The following PEX5L variants were observed in gnomAD, a reference collection of about 807,000 sequenced individuals.
PEX5L encodes peroxisomal biogenesis factor 5 like, also known as PEX5-related protein.
In PEX5L, 30 loss-of-function variants were observed where a neutral mutation model predicts 84.0. The observed-to-expected ratio is 0.36, with a 90% CI of 0.27 to 0.48. The LOEUF is 0.48. PEX5L is among the 20% of genes least tolerant of loss of function. The probability of loss-of-function intolerance (pLI) is 0.99; values close to 1 mark genes in which losing one functional copy is unlikely to be tolerated. For synonymous variants in PEX5L, 270 were observed against 283.1 expected, an observed-to-expected ratio of 0.95 and a Z score of 0.46; for missense variants, 533 against 754.6, an observed-to-expected ratio of 0.71 and a Z score of 3.44.
intron 2 of PEX5L, among the ~76,000 whole-genome samples, chr3:179,943,870 C>T (rs1776814746): frequency 6.6e-6 from 1 of 152,080 alleles, no homozygotes; most frequent in African/African-American, 2.4e-5. Context: ...ATTCAAATTC[C>T]CTGGGTAAAG....
At chr3:179,864,700 A>G (rs762586903) in intron 7 of PEX5L, among the ~76,000 whole-genome samples, 9 of 152,194 alleles carry the variant, frequency 5.9e-5, no homozygotes, top group African/African-American at 1.4e-4. Context: ...CACTATAAAA[A>G]TAAGTATGTG....
intron 1 of PEX5L, among the ~76,000 whole-genome samples, chr3:179,977,355 T>A (rs957975966): frequency 6.6e-6 from 1 of 152,224 alleles, no homozygotes; most frequent in African/African-American, 2.4e-5. Context: ...TTGCAGTTTT[T>A]ACTTGCGACC....
At chr3:180,018,877 T>TTTGTTG (rs200731999) in intron 1 of PEX5L, among the ~76,000 whole-genome samples, 15 of 151,870 alleles carry the variant, frequency 9.9e-5, no homozygotes, top group Non-Finnish European at 1.8e-4. Flanking sequence ...TTGTCTGTTT[T>TTTGTTG]TTGTTGTTGT....
chr3:180,012,779 C>A (rs1482518193), intron 1 of PEX5L, among the ~76,000 whole-genome samples: 2 of 151,706 alleles, frequency 1.3e-5, no homozygotes, highest in African/African-American at 2.4e-5. Context: ...TATGATAATC[C>A]ATTTTTAATA....
chr3:179,984,886 TTC>T (rs1786662050), intron 1 of PEX5L, among the ~76,000 whole-genome samples: 1 of 152,234 alleles, frequency 6.6e-6, no homozygotes, highest in African/African-American at 2.4e-5. Context: ...GTAGGTATTT[TTC>T]TCCCCATTTA....
chr3:180,033,431 T>C (rs1181031963), intron 1 of PEX5L, among the ~76,000 whole-genome samples: 1 of 152,180 alleles, frequency 6.6e-6, no homozygotes, highest in Non-Finnish European at 1.5e-5. Context: ...GATTCTTCAA[T>C]AACAATTCAA....
At chr3:179,863,407 CAGAAT>C (rs1746940627) in intron 7 of PEX5L, among the ~76,000 whole-genome samples, 1 of 152,092 alleles carries the variant, frequency 6.6e-6, no homozygotes, top group South Asian at 2.1e-4. Flanking sequence ...AAACAACCCT[CAGAAT>C]AGGAGAAAAT....
Position 179,801,764 on chromosome 3 carries a change from A to G in PEX5L, c.*64T>C. On this transcript the variant is annotated 3_prime_UTR_variant, in exon 15 of 15. Transcript: ENST00000467460. Reference sequence around the variant, plus strand: ...ATCCTTTTGAAATTCATAATAAAATAGTTTTTGATTTTTCAGTACAATCAC... The same window carrying G: ...ATCCTTTTGAAATTCATAATAAAATGGTTTTTGATTTTTCAGTACAATCAC... 9.7e-7 allele frequency: 1 copy of G among 1,031,452 alleles called. No individual in the cohort carries two copies. Among genetic ancestry groups the G allele is most frequent in the Non-Finnish European group, 1.5e-6 (1 of 654,096 alleles). The allele number at this position is 1,031,452 out of a possible 1,614,324, so 63.9% of individuals were successfully genotyped here.
rs1040647184 is a variant in PEX5L at position 179,973,461 on chromosome 3, A to G, written c.22-1796T>C. On this transcript the variant is annotated intron_variant, in intron 1 of 14. Transcript: ENST00000467460. ...AAATTTCTTTTTCTAACTAATTTTT[A>G]TCCATGCACTTCTATGCTCTTTGAC... is the stretch of plus-strand genomic sequence containing the variant. 9.8e-6 allele frequency: 11 copies of G among 1,119,070 alleles called. No individual in the cohort carries two copies. In the Admixed American group the frequency reaches 2.2e-4, roughly 22 times the overall value. The allele number at this position is 1,119,070 out of a possible 1,614,324, so 69.3% of individuals were successfully genotyped here. A position where few individuals can be genotyped will look rare whatever the true frequency, so the allele number is the denominator to read the frequency against.
intron 12 of PEX5L, among the ~76,000 whole-genome samples, chr3:179,808,745 G>A (rs745390222): frequency 3.9e-5 from 6 of 152,238 alleles, no homozygotes; most frequent in Non-Finnish European, 7.3e-5. Context: ...AGGCCTCAGT[G>A]AATAAGGATT....
At chr3:179,832,239 A>G (rs113655925) in intron 8 of PEX5L, among the ~76,000 whole-genome samples, 1,958 of 151,670 alleles carry the variant, frequency 0.013, 42 homozygotes, top group African/African-American at 0.045. Context: ...GAGCTACAGA[A>G]AGAGAGAGAG....
At chr3:179,808,931 G>GA (rs1722522695) in intron 12 of PEX5L, among the ~76,000 whole-genome samples, 1 of 151,684 alleles carries the variant, frequency 6.6e-6, no homozygotes, top group Middle Eastern at 3.2e-3. Flanking sequence ...AAAATTAGCC[G>GA]GGCGTGTTGG....
chr3:179,935,611 A>G (rs1336646875), intron 2 of PEX5L, among the ~76,000 whole-genome samples: 2 of 152,182 alleles, frequency 1.3e-5, no homozygotes, highest in Non-Finnish European at 2.9e-5. Context: ...TTAACCAAGT[A>G]ATTCTTTTCC....
chr3:180,004,204 T>C (rs1356883490), intron 1 of PEX5L, among the ~76,000 whole-genome samples: 1 of 152,252 alleles, frequency 6.6e-6, no homozygotes, highest in African/African-American at 2.4e-5. Flanking sequence ...TAGATTTCTA[T>C]GGTCCTCAAA....
chr3:179,807,373 A>C (rs1024989690), intron 14 of PEX5L, among the ~76,000 whole-genome samples: 1 of 152,164 alleles, frequency 6.6e-6, no homozygotes, highest in Non-Finnish European at 1.5e-5. Context: ...GGGGTGTTGA[A>C]AATGCTGATA....
intron 1 of PEX5L, among the ~76,000 whole-genome samples, chr3:180,019,525 G>A (rs1234535691): frequency 4.6e-5 from 7 of 152,130 alleles, no homozygotes; most frequent in African/African-American, 1.7e-4. Flanking sequence ...GTGATTTAAG[G>A]TAGAAGCATA....
chr3:179,864,717 T>A, intron 7 of PEX5L, among the ~76,000 whole-genome samples: 1 of 152,158 alleles, frequency 6.6e-6, no homozygotes, highest in Non-Finnish European at 1.5e-5. Context: ...TGTGAGTGAA[T>A]GCATATGTTA....
chr3:179,889,342 T>A (rs3774246), intron 3 of PEX5L, among the ~76,000 whole-genome samples: 89,149 of 151,918 alleles, frequency 0.59, 26,394 homozygotes, highest in South Asian at 0.68. Context: ...CTTAGTGGTC[T>A]TTTGGAGACT....
intron 6 of PEX5L, among the ~76,000 whole-genome samples, chr3:179,874,726 GTTTTTTTTTTTGTTTTTT>G (rs1352257436): frequency 2.0e-4 from 9 of 45,204 alleles, no homozygotes; most frequent in East Asian, 1.8e-3. Context: ...AAAAATTATG[GTTTTTTTTTTTGTTTTTT>G]TTTTTTTTTT....
Sources: allele counts gnomAD v4.1 joint callset (sites outside exome capture counted in the v4.1 genomes callset), GRCh38; gene constraint gnomAD v4.1.1; transcripts MANE v1.5; gene names NCBI Gene and HGNC (gene_info 2026-07-23, HGNC 2026-07-21).